TMEM272: variants seen among roughly 807,000 people sequenced by gnomAD.
The protein encoded by TMEM272 is long intergenic non-protein coding RNA 282.
In TMEM272, 8 loss-of-function variants were observed where a neutral mutation model predicts 3.7. That is an observed-to-expected ratio of 2.17 (90% CI 1.27 to 3.91). The LOEUF is 3.91. Among genes scored for constraint, TMEM272 ranks in the 30% most tolerant of loss-of-function variants. TMEM272 has a pLI of 0.00. For synonymous variants in TMEM272, 63 were observed against 39.8 expected (o/e 1.58, Z -2.20); for missense variants, 166 against 91.5 (o/e 1.81, Z -3.32).
At chr13:51,870,536 C>T in the TMEM272 span, among the ~76,000 whole-genome samples, 1 of 149,798 alleles carries the variant, frequency 6.7e-6, no homozygotes, top group Non-Finnish European at 1.5e-5. Context: ...CCCTCAAGTC[C>T]CGATAAAACA....
chr13:51,831,494 G>C (rs1956173065), intron 2 of TMEM272, among the ~76,000 whole-genome samples: 1 of 152,218 alleles, frequency 6.6e-6, no homozygotes, highest in African/African-American at 2.4e-5. Context: ...AGAATCTTCA[G>C]GGGCTTCCTA....
chr13:51,920,062 T>C, the TMEM272 span, among the ~76,000 whole-genome samples: 1 of 152,188 alleles, frequency 6.6e-6, no homozygotes, highest in South Asian at 2.1e-4. Context: ...AGGTATGACG[T>C]TGCAGTGAGG....
chr13:51,889,192 AT>A, the TMEM272 span, among the ~76,000 whole-genome samples: 1 of 152,160 alleles, frequency 6.6e-6, no homozygotes, highest in Non-Finnish European at 1.5e-5. Flanking sequence ...TATTTTAACA[AT>A]TTTAATAGAT....
At chr13:51,923,473 C>T in the TMEM272 span, among the ~76,000 whole-genome samples, 1 of 145,550 alleles carries the variant, frequency 6.9e-6, no homozygotes, top group Non-Finnish European at 1.5e-5. Flanking sequence ...ACACTGAGAT[C>T]GGTTGAAAGC....
At chr13:51,842,970 A>T (rs1956275053) in intron 1 of TMEM272, among the ~76,000 whole-genome samples, 7 of 152,218 alleles carry the variant, frequency 4.6e-5, no homozygotes, top group Admixed American at 4.6e-4. Flanking sequence ...TTTGGATTTG[A>T]GGTAAAATTG....
At chr13:51,856,982 T>C in the TMEM272 span, among the ~76,000 whole-genome samples, 5 of 152,226 alleles carry the variant, frequency 3.3e-5, no homozygotes, top group African/African-American at 9.6e-5. Flanking sequence ...CAGTGTTGTG[T>C]AGTACCTAAT....
chr13:51,848,354 G>A (rs1283385861), upstream of TMEM272, among the ~76,000 whole-genome samples: 1 of 152,112 alleles, frequency 6.6e-6, no homozygotes, highest in Non-Finnish European at 1.5e-5. Flanking sequence ...CAGGCCACGT[G>A]ATAGAGTCCA....
the TMEM272 span, among the ~76,000 whole-genome samples, chr13:51,885,146 C>T: frequency 6.6e-6 from 1 of 152,184 alleles, no homozygotes. Flanking sequence ...TAGGGGTATC[C>T]ATGAACACTT....
At chr13:51,865,759 TTTCTGGAAGGAGGATAAGGCC>T in the TMEM272 span, 1 of 1,614,084 alleles carries the variant, frequency 6.2e-7, no homozygotes, top group Non-Finnish European at 8.5e-7. Flanking sequence ...AGTACCGCAC[TTTCTGGAAGGAGGATAAGGCC>T]TTCTGGAAAG....
the TMEM272 span, among the ~76,000 whole-genome samples, chr13:51,867,663 C>A: frequency 6.6e-6 from 1 of 152,098 alleles, no homozygotes; most frequent in Non-Finnish European, 1.5e-5. Flanking sequence ...GTCTGGGTTC[C>A]CTGCAAGTCC....
At chr13:51,875,696 C>T in the TMEM272 span, among the ~76,000 whole-genome samples, 2 of 152,188 alleles carry the variant, frequency 1.3e-5, no homozygotes, top group Admixed American at 1.3e-4. Context: ...GGGCACAGAA[C>T]TGGGAAGAAA....
At chr13:51,899,704 A>G in the TMEM272 span, among the ~76,000 whole-genome samples, 2 of 152,234 alleles carry the variant, frequency 1.3e-5, no homozygotes, top group African/African-American at 2.4e-5. Flanking sequence ...CAATCTTACA[A>G]CAAAACTGGG....
the TMEM272 span, among the ~76,000 whole-genome samples, chr13:51,928,975 G>C: frequency 6.6e-6 from 1 of 152,176 alleles, no homozygotes; most frequent in African/African-American, 2.4e-5. Flanking sequence ...AAGATGAGGG[G>C]ATCACGAGGT....
rs1955991656 is a variant in TMEM272, at chr13:51,813,903, C to A, written c.*2848G>T. 6.6e-6 allele frequency: 1 copy of A among 152,100 alleles called. No homozygotes were observed. The highest frequency in any genetic ancestry group is 6.5e-5 in the Admixed American group (1 of 15,274). 9.4% of individuals were successfully genotyped at this position (152,100 alleles called of 1,614,324 possible). The stretch of plus-strand genomic sequence containing the variant: ...TCCCTCTCTGCCACATAATTTGTTC[C>A]CTTGAGGTTTCATAGCATCCAGAAA... On this transcript the variant is annotated 3_prime_UTR_variant, in exon 5 of 5. Coordinates refer to ENST00000629372, the MANE Select transcript of TMEM272 (RefSeq NM_001351003.2).
At chr13:51,865,233 G>C in the TMEM272 span, 13 of 614,424 alleles carry the variant, frequency 2.1e-5, no homozygotes, top group Middle Eastern at 4.4e-4. Context: ...TGTGGACAAA[G>C]AGCAGTGATT....
rs771920456 is a variant in TMEM272, at chr13:51,815,752, A to G, written c.*999T>C. On this transcript the variant is annotated 3_prime_UTR_variant, in exon 5 of 5. Transcript: ENST00000629372. Reference sequence around the variant, plus strand: ...ACAACAGACCTGGACTTCATCTCTCAACAGCGGCAGCCAGAGGGAAGGTTA... The same window carrying G: ...ACAACAGACCTGGACTTCATCTCTCGACAGCGGCAGCCAGAGGGAAGGTTA... 2 of 152,232 alleles carry G rather than the reference A, an allele frequency of 1.3e-5. No individual in the cohort carries two copies. The highest frequency in any genetic ancestry group is 2.4e-5 in the African/African-American group (1 of 41,448). 9.4% of individuals were successfully genotyped at this position (152,232 alleles called of 1,614,324 possible). A position where few individuals can be genotyped will look rare whatever the true frequency, so the allele number is the denominator to read the frequency against.
chr13:51,821,385 A>T (rs1956077246), intron 4 of TMEM272, among the ~76,000 whole-genome samples: 1 of 152,166 alleles, frequency 6.6e-6, no homozygotes, highest in Non-Finnish European at 1.5e-5. Flanking sequence ...ATTGCAGGCT[A>T]TGCACGCCCC....
the TMEM272 span, among the ~76,000 whole-genome samples, chr13:51,918,261 T>C: frequency 6.6e-6 from 1 of 152,228 alleles, no homozygotes; most frequent in Non-Finnish European, 1.5e-5. Flanking sequence ...TCAGCTGTTC[T>C]CCATCCTGGA....
chr13:51,918,227 CTTCCTCCTG>C, the TMEM272 span, among the ~76,000 whole-genome samples: 2 of 152,224 alleles, frequency 1.3e-5, no homozygotes, highest in Non-Finnish European at 2.9e-5. Flanking sequence ...GGGGTCAGCA[CTTCCTCCTG>C]CCACCTCTGC....
Sources: allele counts gnomAD v4.1 joint callset (sites outside exome capture counted in the v4.1 genomes callset), GRCh38; gene constraint gnomAD v4.1.1; transcripts MANE v1.5; gene names NCBI Gene and HGNC (gene_info 2026-07-23, HGNC 2026-07-21).